The following AK5 variants were observed in gnomAD, a reference collection of about 807,000 sequenced individuals.
The protein encoded by AK5 is adenylate kinase isoenzyme 5.
AK5 carries 27 observed loss-of-function variants against 69.5 expected under a neutral mutation model. The ratio of observed to expected loss-of-function variants is 0.39; its 90% confidence interval spans 0.29 to 0.54. The LOEUF is 0.54. AK5 is among the 20% of genes least tolerant of loss of function. The pLI is 0.71. For missense variants in AK5, 531 were observed against 700.4 expected, an observed-to-expected ratio of 0.76 and a Z score of 2.73; for synonymous variants, 260 against 244.4, an observed-to-expected ratio of 1.06 and a Z score of -0.60.
chr1:77,516,514 T>A (rs1657653324), intron 10 of AK5, among the ~76,000 whole-genome samples: 1 of 152,112 alleles, frequency 6.6e-6, no homozygotes, highest in South Asian at 2.1e-4. Context: ...AAACATCACA[T>A]TGTACATCTT....
In AK5 at chr1:77,558,711, A is replaced by ATTGTG. The variant is rs767699377; in HGVS notation, c.*43_*44insGTGTT. On this transcript the variant is annotated 3_prime_UTR_variant, in exon 14 of 14. Transcript: ENST00000354567. ...TTTGTTAGAATGGAAACAGAAAAAC[A>ATTGTG]TTAAAAAGTTCATTCCTTAACACAA... is the stretch of plus-strand genomic sequence containing the variant. The ATTGTG allele has an allele frequency of 9.5e-6, 13 of 1,366,598 alleles. No individual in the cohort carries two copies. In the South Asian group the frequency reaches 1.6e-4, roughly 16 times the overall value. The allele number at this position is 1,366,598 out of a possible 1,614,324, so 84.7% of individuals were successfully genotyped here.
At chr1:77,286,565 G>A (rs947078302) in intron 1 of AK5, among the ~76,000 whole-genome samples, 2 of 151,706 alleles carry the variant, frequency 1.3e-5, no homozygotes, top group Admixed American at 1.3e-4. Context: ...AGGTGGGTGG[G>A]GTCACGTGCA....
At chr1:77,459,350 G>A (rs929360757) in intron 8 of AK5, among the ~76,000 whole-genome samples, 16 of 151,930 alleles carry the variant, frequency 1.1e-4, no homozygotes, top group African/African-American at 2.9e-4. Context: ...CATTCTTTAC[G>A]TCCCCTGCTG....
chr1:77,542,193 C>T (rs922276919), intron 13 of AK5, among the ~76,000 whole-genome samples: 2 of 151,870 alleles, frequency 1.3e-5, no homozygotes, highest in African/African-American at 2.4e-5. Context: ...CGTGGTGGTG[C>T]GCATATGTAA....
intron 2 of AK5, among the ~76,000 whole-genome samples, chr1:77,289,118 G>A (rs1022963251): frequency 2.6e-5 from 4 of 152,108 alleles, no homozygotes; most frequent in African/African-American, 4.8e-5. Flanking sequence ...TAAAGTTCAC[G>A]CTTTGTAAAT....
Position 77,359,537 on chromosome 1 carries a change from GA to G in AK5, c.891+18978del, listed in dbSNP as rs74377120. Among the ~76,000 whole-genome samples the G allele has an allele frequency of 2.6e-3, 389 of 148,772 alleles. 1 individual carries two copies. Among genetic ancestry groups the G allele is most frequent in the Non-Finnish European group, 2.7e-3 (182 of 67,042 alleles). ...TTAACATGTATACTGTTGATAATCT[GA>G]AAAAAAAATGGATAAAAATGGTTTA... On this transcript the variant is annotated intron_variant, in intron 6 of 13. Transcript: ENST00000354567.
chr1:77,298,790 G>A (rs1431295566), intron 5 of AK5, among the ~76,000 whole-genome samples: 1 of 152,024 alleles, frequency 6.6e-6, no homozygotes, highest in African/African-American at 2.4e-5. Flanking sequence ...GAGCCAAGAT[G>A]GCACCACTGC....
At chr1:77,391,184 T>C (rs3896705) in intron 6 of AK5, among the ~76,000 whole-genome samples, 60,660 of 151,394 alleles carry the variant, frequency 0.4, 12,978 homozygotes, top group East Asian at 0.63. Flanking sequence ...CCTGGTTGCA[T>C]GGGCAGGTAG....
chr1:77,287,805 A>T (rs1385186790), intron 2 of AK5, among the ~76,000 whole-genome samples: 3 of 152,232 alleles, frequency 2.0e-5, no homozygotes, highest in Non-Finnish European at 2.9e-5. Flanking sequence ...ACGGTTCAGC[A>T]TTTGCCTTAT....
At chr1:77,529,837 T>C (rs1293238129) in intron 12 of AK5, among the ~76,000 whole-genome samples, 1 of 152,198 alleles carries the variant, frequency 6.6e-6, no homozygotes, top group Non-Finnish European at 1.5e-5. Context: ...ATGGAAGTCA[T>C]ATTAACAGAA....
At chr1:77,520,224 G>C (rs1190981424) in intron 11 of AK5, among the ~76,000 whole-genome samples, 1 of 146,206 alleles carries the variant, frequency 6.8e-6, no homozygotes, top group Non-Finnish European at 1.5e-5. Flanking sequence ...AAAAAAAAGA[G>C]AATACCTTAA....
At chr1:77,381,331 C>A (rs1369188404) in intron 6 of AK5, among the ~76,000 whole-genome samples, 1 of 152,162 alleles carries the variant, frequency 6.6e-6, no homozygotes, top group African/African-American at 2.4e-5. Context: ...TCTCCTCCAC[C>A]AGAACTGGGA....
intron 6 of AK5, among the ~76,000 whole-genome samples, chr1:77,407,587 G>A (rs1431996209): frequency 6.6e-6 from 1 of 151,978 alleles, no homozygotes; most frequent in Non-Finnish European, 1.5e-5. Flanking sequence ...TGGTTTCACG[G>A]GTGTAGACAT....
intron 8 of AK5, among the ~76,000 whole-genome samples, chr1:77,450,726 TA>T (rs1401737371): frequency 3.3e-5 from 5 of 152,362 alleles, no homozygotes; most frequent in Non-Finnish European, 7.3e-5. Context: ...TGCAATCATG[TA>T]AGTTAATTTC....
intron 8 of AK5, among the ~76,000 whole-genome samples, chr1:77,477,799 A>G (rs901607045): frequency 2.6e-5 from 4 of 152,168 alleles, no homozygotes; most frequent in African/African-American, 7.2e-5. Context: ...CCCCTTTCTC[A>G]TAACCCCATT....
chr1:77,512,013 G>A (rs1043632820), intron 10 of AK5, among the ~76,000 whole-genome samples: 2 of 152,122 alleles, frequency 1.3e-5, no homozygotes, highest in East Asian at 3.9e-4. Context: ...GAGCTGCAGG[G>A]GGCTGAAATT....
rs762576175 is a variant in AK5 at position 77,376,451 on chromosome 1, CAAAA to C, written c.892-34521_892-34518del. Among the ~76,000 whole-genome samples, 189 of 41,054 alleles carry C rather than the reference CAAAA, an allele frequency of 4.6e-3. 2 individuals carry two copies. The highest frequency in any genetic ancestry group is 0.017 in the African/African-American group (185 of 11,154). The allele number at this position is 41,054 out of a possible 152,430, so 26.9% of individuals were successfully genotyped here. Reference sequence around the variant, plus strand: ...TCAATGCCAAAAAAAAAAAAAAAAACAAAAAAAAAAAACATGTCTTACTTTTTTT... The same window carrying C: ...TCAATGCCAAAAAAAAAAAAAAAAACAAAAAAAACATGTCTTACTTTTTTT... On this transcript the variant is annotated intron_variant, in intron 6 of 13. Coordinates refer to ENST00000354567, the MANE Select transcript of AK5 (RefSeq NM_174858.3).
chr1:77,321,563 G>A (rs1660536418), intron 5 of AK5, among the ~76,000 whole-genome samples: 1 of 152,074 alleles, frequency 6.6e-6, no homozygotes, highest in Non-Finnish European at 1.5e-5. Flanking sequence ...TTGAACATAA[G>A]TTCATTAAAA....
At chr1:77,480,864 C>T (rs1655211043) in intron 8 of AK5, among the ~76,000 whole-genome samples, 1 of 152,176 alleles carries the variant, frequency 6.6e-6, no homozygotes. Context: ...TATTTTTCCC[C>T]TAGAAGCAGA....
Sources: allele counts gnomAD v4.1 joint callset (sites outside exome capture counted in the v4.1 genomes callset), GRCh38; gene constraint gnomAD v4.1.1; transcripts MANE v1.5; gene names NCBI Gene and HGNC (gene_info 2026-07-23, HGNC 2026-07-21).